Variants in ZNF385D observed in about 807,000 individuals in gnomAD.
ZNF385D encodes zinc finger protein 659.
In ZNF385D, 15 loss-of-function variants were observed where a neutral mutation model predicts 35.8. The ratio of observed to expected loss-of-function variants is 0.42; its 90% CI spans 0.28 to 0.64. The LOEUF (loss-of-function observed/expected upper bound fraction) is 0.64, where lower values mean the gene tolerates loss of function less well. Among genes scored for constraint, ZNF385D ranks in the 30% least tolerant of loss-of-function variants. ZNF385D has a pLI of 0.23. For synonymous variants in ZNF385D, 212 were observed against 186.8 expected, an observed-to-expected ratio of 1.13 and a Z score of -1.10; for missense variants, 474 against 494.6, an observed-to-expected ratio of 0.96 and a Z score of 0.39.
chr3:21,665,150 C>G, intron 1 of ZNF385D, 122 bp from the exon 2 acceptor site: 1 of 1,277,108 alleles, frequency 7.8e-7, no homozygotes. Flanking sequence ...GACATGGACT[C>G]TATTGACCTC....
rs887024897 is a variant in ZNF385D, at chr3:21,491,096, C to G, written c.439+19765G>C. Among the ~76,000 whole-genome samples, 19 of 130,762 alleles carry G rather than the reference C, an allele frequency of 1.5e-4. No homozygotes were observed. The East Asian group carries it at 4.0e-3, about 27-fold the overall frequency. 85.8% of individuals were successfully genotyped at this position (130,762 alleles called of 152,430 possible). A position where few individuals can be genotyped will look rare whatever the true frequency, so the allele number is the denominator to read the frequency against. Reference sequence around the variant, plus strand: ...AAGATAATTCATTGCTATCAAGGAGCTTTCAGTCTTGCTTAGTAGAGAAAA... The same window carrying G: ...AAGATAATTCATTGCTATCAAGGAGGTTTCAGTCTTGCTTAGTAGAGAAAA... On this transcript the variant is annotated intron_variant, in intron 4 of 7. Coordinates refer to ENST00000281523, the MANE Select transcript of ZNF385D (RefSeq NM_024697.3).
chr3:21,803,188 T>C (rs772686561), intron 3 of ZNF385D, among the ~76,000 whole-genome samples: 8 of 152,042 alleles, frequency 5.3e-5, no homozygotes, highest in Non-Finnish European at 7.4e-5. Context: ...TCCAGGAACC[T>C]AAGGGTAGTC....
At chr3:22,130,209 C>G (rs925808109) in intron 3 of ZNF385D, among the ~76,000 whole-genome samples, 1 of 152,136 alleles carries the variant, frequency 6.6e-6, no homozygotes, top group Admixed American at 6.6e-5. Context: ...ACAAAGTCCT[C>G]TTTACTCTTC....
chr3:22,250,296 T>C (rs1197752556), intron 2 of ZNF385D, among the ~76,000 whole-genome samples: 1 of 152,146 alleles, frequency 6.6e-6, no homozygotes, highest in Non-Finnish European at 1.5e-5. Context: ...TTTTTATTTA[T>C]TTTTCTAATT....
intron 4 of ZNF385D, among the ~76,000 whole-genome samples, chr3:21,456,987 A>G (rs1029720041): frequency 6.6e-6 from 1 of 152,168 alleles, no homozygotes; most frequent in Non-Finnish European, 1.5e-5. Flanking sequence ...TATGTAATAT[A>G]TAACAATATA....
intron 2 of ZNF385D, among the ~76,000 whole-genome samples, chr3:22,306,105 C>G (rs1318155582): frequency 6.6e-6 from 1 of 152,020 alleles, no homozygotes; most frequent in Non-Finnish European, 1.5e-5. Flanking sequence ...TCAGAATTCT[C>G]TTTCGTATTT....
chr3:22,231,324 T>C (rs528399217), intron 2 of ZNF385D, among the ~76,000 whole-genome samples: 61 of 152,138 alleles, frequency 4.0e-4, no homozygotes, highest in South Asian at 2.1e-3. Context: ...AAAAAGACTA[T>C]TGGCAATGAG....
At chr3:21,996,568 A>G (rs919929755) in intron 3 of ZNF385D, among the ~76,000 whole-genome samples, 2 of 152,202 alleles carry the variant, frequency 1.3e-5, no homozygotes, top group Non-Finnish European at 2.9e-5. Context: ...CTATTATTCT[A>G]TTAGTTTAAT....
At chr3:21,781,888 T>C (rs1033835305) in intron 3 of ZNF385D, among the ~76,000 whole-genome samples, 4 of 152,052 alleles carry the variant, frequency 2.6e-5, no homozygotes, top group African/African-American at 9.7e-5. Flanking sequence ...AGTTTTAGTA[T>C]TTAAGTGAAA....
intron 4 of ZNF385D, among the ~76,000 whole-genome samples, chr3:21,475,740 A>G (rs1188132079): frequency 1.3e-5 from 2 of 152,160 alleles, no homozygotes; most frequent in Non-Finnish European, 2.9e-5. Flanking sequence ...TAACTGATGC[A>G]TACCTACACT....
At chr3:22,221,980 T>A (rs1427485236) in intron 2 of ZNF385D, among the ~76,000 whole-genome samples, 1 of 151,938 alleles carries the variant, frequency 6.6e-6, no homozygotes, top group East Asian at 1.9e-4. Context: ...TCATTAACCA[T>A]TCCGATTTTT....
chr3:22,278,719 A>G (rs1264876152), intron 2 of ZNF385D, among the ~76,000 whole-genome samples: 1 of 152,126 alleles, frequency 6.6e-6, no homozygotes, highest in South Asian at 2.1e-4. Context: ...GGTTTGAAGA[A>G]AGGATCAGAG....
At chr3:21,560,019 GTTC>G (rs1202047620) in intron 3 of ZNF385D, among the ~76,000 whole-genome samples, 18 of 151,890 alleles carry the variant, frequency 1.2e-4, no homozygotes, top group African/African-American at 2.7e-4. Context: ...CGTCGTTTAT[GTTC>G]TTCTCTAAAC....
chr3:22,319,599 A>G (rs1014860027), intron 2 of ZNF385D, among the ~76,000 whole-genome samples: 2 of 152,172 alleles, frequency 1.3e-5, no homozygotes, highest in African/African-American at 4.8e-5. Flanking sequence ...AGCAGGGTCC[A>G]CAGATTTCCC....
At chr3:22,295,254 A>T (rs563650735) in intron 2 of ZNF385D, among the ~76,000 whole-genome samples, 53 of 152,224 alleles carry the variant, frequency 3.5e-4, no homozygotes, top group African/African-American at 1.2e-3. Flanking sequence ...AACATTCCCA[A>T]TACATTAGGA....
intron 1 of ZNF385D, among the ~76,000 whole-genome samples, chr3:21,680,820 AT>A (rs142568678): frequency 0.065 from 9,868 of 151,298 alleles, 376 homozygotes; most frequent in East Asian, 0.13. Context: ...TTAGTTGGTT[AT>A]TTTTTTTTCA....
intron 2 of ZNF385D, among the ~76,000 whole-genome samples, chr3:21,663,832 C>A (rs2066307337): frequency 7.0e-6 from 1 of 142,694 alleles, no homozygotes. Context: ...TGACAAAGTA[C>A]TGTTAAGGAA....
intron 3 of ZNF385D, chr3:21,511,692 T>C: frequency 6.6e-6 from 3 of 456,558 alleles, no homozygotes; most frequent in Non-Finnish European, 1.3e-5. Context: ...CCCAGTCCAT[T>C]GTTGGGAGGC....
At chr3:22,093,888 CT>C (rs950900116) in intron 3 of ZNF385D, among the ~76,000 whole-genome samples, 2 of 152,070 alleles carry the variant, frequency 1.3e-5, no homozygotes, top group Non-Finnish European at 2.9e-5. Context: ...CTCGCTAACA[CT>C]TTATAAATGA....
Sources: allele counts gnomAD v4.1 joint callset (sites outside exome capture counted in the v4.1 genomes callset), GRCh38; gene constraint gnomAD v4.1.1; transcripts MANE v1.5; gene names NCBI Gene and HGNC (gene_info 2026-07-23, HGNC 2026-07-21).